The following EYA1 variants were observed in gnomAD, a reference collection of about 807,000 sequenced individuals.
EYA1 encodes EYA transcriptional coactivator and phosphatase 1.
EYA1 carries 16 observed loss-of-function variants against 82.0 expected under a neutral mutation model. That is an observed-to-expected ratio of 0.20 (90% CI 0.13 to 0.30). The LOEUF (loss-of-function observed/expected upper bound fraction) is 0.30. Ranked by LOEUF, EYA1 falls within the 10% of genes least tolerant of loss-of-function variation. EYA1 has a pLI of 1.00. For missense variants in EYA1, 633 were observed against 730.7 expected (o/e 0.87, Z 1.54); for synonymous variants, 261 against 264.4 (o/e 0.99, Z 0.12).
chr8:71,379,175 G>A (rs570043935), intron 2 of EYA1, among the ~76,000 whole-genome samples: 26 of 152,142 alleles, frequency 1.7e-4, no homozygotes, highest in South Asian at 1.2e-3. Context: ...CTCGAGCCTC[G>A]AGGCTACCGT....
At chr8:71,273,735 C>T (rs1020682871) in intron 9 of EYA1, among the ~76,000 whole-genome samples, 3 of 152,210 alleles carry the variant, frequency 2.0e-5, no homozygotes, top group African/African-American at 7.2e-5. Context: ...CCATCTAATT[C>T]AACCTGCACT....
intron 12 of EYA1, among the ~76,000 whole-genome samples, chr8:71,236,275 A>ATC (rs1811822338): frequency 6.6e-6 from 1 of 152,124 alleles, no homozygotes; most frequent in South Asian, 2.1e-4. Context: ...ATCCCAAGTG[A>ATC]TCTGCCTGCC....
intron 2 of EYA1, among the ~76,000 whole-genome samples, chr8:71,403,019 G>A (rs1002713020): frequency 3.9e-5 from 6 of 152,192 alleles, no homozygotes; most frequent in Non-Finnish European, 8.8e-5. Context: ...CAAGCTTTGA[G>A]TGGGTGAGAT....
chr8:71,517,033 C>T (rs953031022), intron 2 of EYA1, among the ~76,000 whole-genome samples: 3 of 152,140 alleles, frequency 2.0e-5, no homozygotes, highest in African/African-American at 7.2e-5. Flanking sequence ...GGTTCATCTA[C>T]TTCTCCAGCT....
intron 2 of EYA1, among the ~76,000 whole-genome samples, chr8:71,482,185 C>T (rs1042273164): frequency 2.0e-5 from 3 of 151,962 alleles, no homozygotes; most frequent in African/African-American, 4.8e-5. Context: ...AAAAAGAACA[C>T]CTACAAATCA....
At chr8:71,293,381 CTA>C (rs1819213314) in intron 9 of EYA1, among the ~76,000 whole-genome samples, 1 of 152,132 alleles carries the variant, frequency 6.6e-6, no homozygotes, top group Admixed American at 6.5e-5. Flanking sequence ...TTACAATTCT[CTA>C]CAATCTGTTC....
chr8:71,511,560 G>A (rs1293301345), intron 2 of EYA1, among the ~76,000 whole-genome samples: 2 of 152,140 alleles, frequency 1.3e-5, no homozygotes, highest in Non-Finnish European at 2.9e-5. Flanking sequence ...GACTAGCAGG[G>A]CATTCCAGGC....
intron 2 of EYA1, among the ~76,000 whole-genome samples, chr8:71,372,617 G>T (rs1194320263): frequency 6.6e-6 from 1 of 152,082 alleles, no homozygotes; most frequent in Non-Finnish European, 1.5e-5. Flanking sequence ...ATTGGAGAAG[G>T]TCAGAAGGCT....
Position 71,268,826 on chromosome 8 carries a change from C to A in EYA1, c.1050+914G>T, listed in dbSNP as rs138834300. 2.6e-4 allele frequency among the ~76,000 whole-genome samples: 40 copies of A among 152,166 alleles called. No individual in the cohort carries two copies. The Middle Eastern group carries it at 0.014, about 52-fold the overall frequency. On this transcript the variant is annotated intron_variant, in intron 11 of 17. Transcript: ENST00000340726. ...AATATTTGTTGAAAGAACAACCACC[C>A]GGTCAAATTTGTAATAACAGTATGT...
At chr8:71,545,390 A>T (rs981177613) in intron 1 of EYA1, among the ~76,000 whole-genome samples, 6 of 152,176 alleles carry the variant, frequency 3.9e-5, no homozygotes, top group Non-Finnish European at 7.4e-5. Context: ...TTCTAAGAAA[A>T]ATTAGACACT....
intron 2 of EYA1, among the ~76,000 whole-genome samples, chr8:71,526,524 A>G (rs1476377539): frequency 6.6e-6 from 1 of 152,154 alleles, no homozygotes; most frequent in Non-Finnish European, 1.5e-5. Context: ...TATCTTGGCT[A>G]TCTGCTGGGG....
intron 2 of EYA1, among the ~76,000 whole-genome samples, chr8:71,371,734 A>G (rs1828093155): frequency 6.6e-6 from 1 of 152,194 alleles, no homozygotes; most frequent in Non-Finnish European, 1.5e-5. Flanking sequence ...ATTAATATGA[A>G]CAGAGAAATA....
At chr8:71,319,809 GAGA>G (rs1822332929) in intron 6 of EYA1, among the ~76,000 whole-genome samples, 1 of 152,152 alleles carries the variant, frequency 6.6e-6, no homozygotes, top group Non-Finnish European at 1.5e-5. Context: ...GAGCAAAGGG[GAGA>G]AGGATGCCAT....
At chr8:71,540,565 G>A (rs1193863468) in intron 1 of EYA1, among the ~76,000 whole-genome samples, 1 of 152,128 alleles carries the variant, frequency 6.6e-6, no homozygotes, top group African/African-American at 2.4e-5. Context: ...AAAATAGGGT[G>A]GGTCTGGGAG....
At chr8:71,405,317 T>C (rs751264380) in intron 2 of EYA1, among the ~76,000 whole-genome samples, 5 of 152,192 alleles carry the variant, frequency 3.3e-5, no homozygotes, top group African/African-American at 1.2e-4. Flanking sequence ...CCTTCACTCA[T>C]GCCCCTACTC....
At chr8:71,234,629 C>T (rs1811611251) in intron 12 of EYA1, among the ~76,000 whole-genome samples, 1 of 152,068 alleles carries the variant, frequency 6.6e-6, no homozygotes, top group African/African-American at 2.4e-5. Context: ...TTCTCTCTAC[C>T]ATACAATTCT....
chr8:71,362,600 G>A (rs1220010852), upstream of EYA1, among the ~76,000 whole-genome samples: 1 of 152,124 alleles, frequency 6.6e-6, no homozygotes, highest in South Asian at 2.1e-4. Context: ...AAAAGCAAAC[G>A]TGCAAGCTTT....
At chr8:71,421,440 A>C (rs1831143821) in intron 2 of EYA1, among the ~76,000 whole-genome samples, 1 of 152,144 alleles carries the variant, frequency 6.6e-6, no homozygotes, top group Non-Finnish European at 1.5e-5. Flanking sequence ...CCAAACTGAA[A>C]ATCTAGATTT....
At position 71,511,539 on chromosome 8, in the gene EYA1, G is replaced by A. The variant is rs555508691; in HGVS notation, c.33+24205C>T. 2.1e-3 allele frequency among the ~76,000 whole-genome samples: 318 copies of A among 152,194 alleles called. 1 individual carries two copies. Among genetic ancestry groups the A allele is most frequent in the Admixed American group, 4.1e-3 (62 of 15,288 alleles). On this transcript the variant is annotated intron_variant, in intron 2 of 18. Coordinates refer to the EYA1 transcript ENST00000643681. ...AATTAACTCCAGGAAGATGACTGAC[G>A]GGTCAGGTAAGACTAGCAGGGCATT...
Sources: gnomAD v4.1 joint callset for allele counts (sites outside exome capture counted in the v4.1 genomes callset) on GRCh38, gnomAD v4.1.1 for gene constraint, MANE v1.5 for transcripts, NCBI Gene and HGNC (gene_info 2026-07-23, HGNC 2026-07-21) for gene names.